Variants in POLA1 observed in about 807,000 individuals in gnomAD.
POLA1 encodes DNA polymerase alpha catalytic subunit.
POLA1 carries 15 observed loss-of-function variants against 124.0 expected under a neutral mutation model. The observed-to-expected ratio is 0.12, with a 90% CI of 0.08 to 0.19. The LOEUF (loss-of-function observed/expected upper bound fraction) is 0.19. Ranked by LOEUF, POLA1 falls within the 10% of genes least tolerant of loss-of-function variation. POLA1 has a pLI of 1.00. For synonymous variants in POLA1, 408 were observed against 389.4 expected, an observed-to-expected ratio of 1.05 and a Z score of -0.56; for missense variants, 886 against 1,103.4, an observed-to-expected ratio of 0.80 and a Z score of 2.79.
At chrX:24,717,833 T>A in intron 10 of POLA1, 75 bp downstream of exon 10, 2 of 696,091 alleles carry the variant, frequency 2.9e-6, no homozygotes, top group Non-Finnish European at 4.1e-6. Context: ...ATTTTTTGTT[T>A]CTTTTTGTGT....
chrX:24,764,164 G>T (rs919435778), intron 26 of POLA1, among the ~76,000 whole-genome samples: 2 of 112,124 alleles, frequency 1.8e-5, no homozygotes, highest in African/African-American at 6.5e-5. Flanking sequence ...GAGATAATGT[G>T]TGTTAATGCC....
intron 36 of POLA1, among the ~76,000 whole-genome samples, chrX:24,982,558 T>TGCTA (rs1396994852): frequency 9.0e-6 from 1 of 110,568 alleles, no homozygotes; most frequent in Non-Finnish European, 1.9e-5. Flanking sequence ...TCGTTCAGGG[T>TGCTA]GCTAGAGTTT....
intron 26 of POLA1, among the ~76,000 whole-genome samples, chrX:24,754,200 C>T (rs1369886519): frequency 1.8e-5 from 2 of 110,641 alleles, no homozygotes; most frequent in African/African-American, 6.6e-5. Flanking sequence ...TTCATCTTTA[C>T]CTGTAAATAA....
At chrX:24,841,929 C>G in intron 33 of POLA1, 99 bp downstream of exon 33, 1 of 553,473 alleles carries the variant, frequency 1.8e-6, no homozygotes, top group South Asian at 3.3e-5. Context: ...AATAAACACA[C>G]ACATGTTGCT....
intron 1 of POLA1, among the ~76,000 whole-genome samples, chrX:24,694,389 G>T (rs1927831623): frequency 8.9e-6 from 1 of 112,903 alleles, no homozygotes; most frequent in South Asian, 3.6e-4. Flanking sequence ...ACAGATCTGT[G>T]TCCCTTTTTG....
chrX:24,790,484 A>G (rs1414447062), intron 26 of POLA1, among the ~76,000 whole-genome samples: 1 of 111,503 alleles, frequency 9.0e-6, no homozygotes, highest in African/African-American at 3.3e-5. Flanking sequence ...ATTTTCTTTG[A>G]CACTGTTCGT....
At position 24,717,271 on chromosome X, in the gene POLA1, T is replaced by C. The variant is rs55652049; in HGVS notation, c.707-19T>C. On this transcript the variant is annotated intron_variant, in intron 8 of 36. Transcript: ENST00000379068. ...TCATCGCAATAACACATGACAAGAA[T>C]GTGTGATGATGCCTACAGGCGATGA... 89 of 1,182,839 alleles carry C rather than the reference T, an allele frequency of 7.5e-5. 1 individual carries two copies. The East Asian group carries it at 2.3e-3, about 31-fold the overall frequency.
At chrX:24,920,740 A>G (rs1158837837) in intron 35 of POLA1, among the ~76,000 whole-genome samples, 1 of 111,979 alleles carries the variant, frequency 8.9e-6, no homozygotes, top group Non-Finnish European at 1.9e-5. Flanking sequence ...TTGAGGATCA[A>G]ATGGGAGAAA....
At chrX:24,985,937 T>A (rs945049404) in intron 36 of POLA1, among the ~76,000 whole-genome samples, 10 of 111,505 alleles carry the variant, frequency 9.0e-5, no homozygotes, top group African/African-American at 2.6e-4. Flanking sequence ...TTTGAGAGAC[T>A]GAGGTGGGCA....
chrX:24,757,436 CTTTTTTTTTT>C (rs66782103), intron 26 of POLA1, among the ~76,000 whole-genome samples: 6 of 62,143 alleles, frequency 9.7e-5, no homozygotes, highest in Non-Finnish European at 1.4e-4. Context: ...AAATCTGAAA[CTTTTTTTTTT>C]TTTTTTTTTT....
At chrX:24,757,141 A>G (rs1932646202) in intron 26 of POLA1, among the ~76,000 whole-genome samples, 1 of 111,806 alleles carries the variant, frequency 8.9e-6, no homozygotes, top group African/African-American at 3.3e-5. Flanking sequence ...AAAGTTGCTT[A>G]CATTATAAAA....
At chrX:24,939,439 T>C (rs1337695113) in intron 36 of POLA1, among the ~76,000 whole-genome samples, 1 of 112,428 alleles carries the variant, frequency 8.9e-6, no homozygotes, top group Non-Finnish European at 1.9e-5. Flanking sequence ...ATTTCCATGA[T>C]GTTTTTTACT....
chrX:24,848,427 A>C (rs914451532), intron 34 of POLA1, among the ~76,000 whole-genome samples: 2 of 112,341 alleles, frequency 1.8e-5, no homozygotes, highest in Non-Finnish European at 3.8e-5. Context: ...ACGAGGCCAC[A>C]CACCAGGAAG....
intron 24 of POLA1, among the ~76,000 whole-genome samples, chrX:24,747,767 CT>C (rs1344215262): frequency 3.1e-5 from 3 of 95,878 alleles, no homozygotes; most frequent in Middle Eastern, 5.9e-3. Flanking sequence ...CAGAGTTTCG[CT>C]GTGTAGCCCA....
intron 29 of POLA1, among the ~76,000 whole-genome samples, chrX:24,814,495 T>A (rs1373197519): frequency 5.4e-5 from 6 of 111,936 alleles, no homozygotes; most frequent in African/African-American, 1.9e-4. Context: ...TTAAAAAAAT[T>A]TATGTAAAGG....
chrX:24,843,785 C>G, intron 34 of POLA1, 108 bp downstream of exon 34: 2 of 429,817 alleles, frequency 4.7e-6, no homozygotes, highest in Non-Finnish European at 7.4e-6. Context: ...GGAAAAATTC[C>G]TAGTGAAATA....
intron 36 of POLA1, among the ~76,000 whole-genome samples, chrX:24,991,199 C>A (rs1415235368): frequency 3.7e-5 from 4 of 109,172 alleles, no homozygotes; most frequent in Non-Finnish European, 7.6e-5. Context: ...TACAACCTCC[C>A]CCCCCACACC....
At position 24,995,806 on chromosome X, in the gene POLA1, T is replaced by C; in HGVS notation, c.4263T>C (p.Asp1421=). Reference sequence around the variant, plus strand: ...TAATCTCTCTCTCTCTCTTTTTAGATAAATTGAAGAAGCAATTTTTTACCC... The same window carrying C: ...TAATCTCTCTCTCTCTCTTTTTAGACAAATTGAAGAAGCAATTTTTTACCC... ...LEKLTTDHEK[D]KLKKQFFTPK... Residue 1421 remains aspartate (D), a splice_region_variant and synonymous_variant, in exon 37 of 37, where the codon GAT becomes GAC. Coordinates refer to ENST00000379068, the MANE Select transcript of POLA1 (RefSeq NM_001330360.2). 2.5e-6 allele frequency: 3 copies of C among 1,202,433 alleles called. No homozygotes were observed. Among genetic ancestry groups the C allele is most frequent in the Non-Finnish European group, 3.4e-6 (3 of 887,882 alleles).
intron 26 of POLA1, among the ~76,000 whole-genome samples, chrX:24,802,947 G>A (rs963898901): frequency 1.1e-4 from 12 of 111,550 alleles, no homozygotes; most frequent in African/African-American, 2.3e-4. Flanking sequence ...GCAGTGAGCC[G>A]AGATCGTGCC....
Sources: gnomAD v4.1 joint callset for allele counts (sites outside exome capture counted in the v4.1 genomes callset) on GRCh38, gnomAD v4.1.1 for gene constraint, MANE v1.5 for transcripts, NCBI Gene and HGNC (gene_info 2026-07-23, HGNC 2026-07-21) for gene names.